Variants in ULK4 observed in about 807,000 individuals in gnomAD.
ULK4 encodes unc-51 like kinase 4.
In ULK4, 133 loss-of-function variants were observed where a neutral mutation model predicts 160.6. The ratio of observed to expected loss-of-function variants is 0.83; its 90% CI spans 0.72 to 0.96. The LOEUF (loss-of-function observed/expected upper bound fraction) is 0.96, where lower values mean the gene tolerates loss of function less well. Among genes scored for constraint, ULK4 ranks in the 40% least tolerant of loss-of-function variants. ULK4 has a pLI of 0.00. For synonymous variants in ULK4, 534 were observed against 539.8 expected (o/e 0.99, Z 0.15); for missense variants, 1,580 against 1,499.5 (o/e 1.05, Z -0.89).
intron 35 of ULK4, among the ~76,000 whole-genome samples, chr3:41,281,325 C>T (rs1014673313): frequency 1.3e-5 from 2 of 152,140 alleles, no homozygotes; most frequent in East Asian, 1.9e-4. Context: ...ATCCTGATAC[C>T]AAAGCCTTGC....
chr3:41,447,854 C>G (rs1385617495), intron 34 of ULK4, among the ~76,000 whole-genome samples: 1 of 152,080 alleles, frequency 6.6e-6, no homozygotes, highest in Non-Finnish European at 1.5e-5. Flanking sequence ...CAGGGCTAAC[C>G]CTGCTAAGAA....
At chr3:41,305,574 G>C (rs10049003) in intron 35 of ULK4, among the ~76,000 whole-genome samples, 23,548 of 151,890 alleles carry the variant, frequency 0.16, 2,178 homozygotes, top group African/African-American at 0.25. Context: ...TCGCTACAAC[G>C]TCCACCTCCC....
chr3:41,834,413 G>T (rs978559861), intron 18 of ULK4, among the ~76,000 whole-genome samples: 9 of 151,914 alleles, frequency 5.9e-5, no homozygotes, highest in African/African-American at 2.2e-4. Context: ...ACTCAAAATC[G>T]TAACGATATT....
chr3:41,293,195 A>G (rs572261079), intron 35 of ULK4, among the ~76,000 whole-genome samples: 1 of 152,314 alleles, frequency 6.6e-6, no homozygotes, highest in South Asian at 2.1e-4. Flanking sequence ...TATCATTTAG[A>G]TAACCAAGCC....
intron 4 of ULK4, among the ~76,000 whole-genome samples, chr3:41,934,914 T>C (rs1699710925): frequency 6.6e-6 from 1 of 152,116 alleles, no homozygotes; most frequent in Non-Finnish European, 1.5e-5. Context: ...TATAGGTTAG[T>C]GCATTAAGTA....
intron 20 of ULK4, among the ~76,000 whole-genome samples, chr3:41,798,767 T>C (rs1575727618): frequency 6.6e-6 from 1 of 151,810 alleles, no homozygotes; most frequent in Non-Finnish European, 1.5e-5. Flanking sequence ...GCAGGGGTGG[T>C]AAATTAAACA....
At chr3:41,497,281 G>T (rs931537649) in intron 32 of ULK4, among the ~76,000 whole-genome samples, 1 of 151,912 alleles carries the variant, frequency 6.6e-6, no homozygotes, top group South Asian at 2.1e-4. Context: ...AGGAAAAAAA[G>T]GTCAGTAAAC....
At chr3:41,607,654 T>C (rs1333021684) in intron 31 of ULK4, among the ~76,000 whole-genome samples, 3 of 152,202 alleles carry the variant, frequency 2.0e-5, no homozygotes, top group African/African-American at 7.2e-5. Context: ...GACAAAGATA[T>C]CCTGTTCATT....
intron 27 of ULK4, among the ~76,000 whole-genome samples, chr3:41,685,104 C>A (rs1224170474): frequency 1.3e-5 from 2 of 152,154 alleles, no homozygotes; most frequent in Non-Finnish European, 2.9e-5. Flanking sequence ...TGACCTTTGC[C>A]ATTTATTATT....
At chr3:41,558,824 A>C (rs1478212786) in intron 32 of ULK4, among the ~76,000 whole-genome samples, 1 of 152,086 alleles carries the variant, frequency 6.6e-6, no homozygotes, top group East Asian at 1.9e-4. Flanking sequence ...TTTTATCCCA[A>C]GTCATATTTC....
At position 41,266,419 on chromosome 3, in the gene ULK4, G is replaced by A. The variant is rs1033976381; in HGVS notation, c.3679-16845C>T. 3.3e-5 allele frequency among the ~76,000 whole-genome samples: 5 copies of A among 152,174 alleles called. 1 individual carries two copies. Among genetic ancestry groups the A allele is most frequent in the Admixed American group, 6.5e-5 (1 of 15,282 alleles). On this transcript the variant is annotated intron_variant, in intron 35 of 36. Coordinates refer to ENST00000301831, the MANE Select transcript of ULK4 (RefSeq NM_017886.4). Reference sequence around the variant, plus strand: ...ACACATTTTTTTGCAGAGCAGAGAAGGATGCATAAAGAGAGGTCTCACAGA... The same window carrying A: ...ACACATTTTTTTGCAGAGCAGAGAAAGATGCATAAAGAGAGGTCTCACAGA...
At chr3:41,804,044 C>T (rs575609449) in intron 19 of ULK4, among the ~76,000 whole-genome samples, 13 of 152,148 alleles carry the variant, frequency 8.5e-5, no homozygotes, top group African/African-American at 2.9e-4. Flanking sequence ...AGTTCTAGAT[C>T]GCTCAGGAAT....
chr3:41,856,603 G>GTGTATATATATACACATATATATATA (rs2042368176), intron 17 of ULK4, among the ~76,000 whole-genome samples: 1 of 66,028 alleles, frequency 1.5e-5, no homozygotes, highest in Non-Finnish European at 2.6e-5. Context: ...ATATATATAT[G>GTGTATATATATACACATATATATATA]TGTATATATA....
intron 19 of ULK4, among the ~76,000 whole-genome samples, chr3:41,816,702 C>T (rs998598598): frequency 6.6e-6 from 1 of 152,048 alleles, no homozygotes; most frequent in African/African-American, 2.4e-5. Context: ...GTCCCAGCTA[C>T]TTGGGAGGCT....
intron 34 of ULK4, among the ~76,000 whole-genome samples, chr3:41,432,261 C>T (rs1383028007): frequency 1.3e-5 from 2 of 152,090 alleles, no homozygotes; most frequent in Admixed American, 6.6e-5. Context: ...TAAAGAAATA[C>T]AAGCATAAAT....
At position 41,854,865 on chromosome 3, in the gene ULK4, C is replaced by T. The variant is rs139572640; in HGVS notation, c.1657-18894G>A. Reference sequence around the variant, plus strand: ...GCCACCACAGTCCAATACTCAAGAACTTACCTAGATCAGGTGCTACCTGGA... The same window carrying T: ...GCCACCACAGTCCAATACTCAAGAATTTACCTAGATCAGGTGCTACCTGGA... On this transcript the variant is annotated intron_variant, in intron 17 of 36. Transcript: ENST00000301831. The T allele has an allele frequency of 1.9e-4, 28 of 149,924 alleles. No individual in the cohort carries two copies. In the East Asian group the frequency reaches 5.7e-3, roughly 30 times the overall value. The allele number at this position is 149,924 out of a possible 1,614,324, so 9.3% of individuals were successfully genotyped here.
intron 2 of ULK4, among the ~76,000 whole-genome samples, chr3:41,949,641 C>T (rs1187507002): frequency 6.6e-6 from 1 of 151,594 alleles, no homozygotes; most frequent in Non-Finnish European, 1.5e-5. Flanking sequence ...CCATGTTGGC[C>T]AGGCTGGTCT....
chr3:41,794,792 A>G (rs1357152573), intron 20 of ULK4, among the ~76,000 whole-genome samples: 2 of 152,000 alleles, frequency 1.3e-5, no homozygotes, highest in African/African-American at 4.8e-5. Flanking sequence ...TTGAGGAGGT[A>G]ACACTTAAGC....
intron 34 of ULK4, among the ~76,000 whole-genome samples, chr3:41,448,017 C>T (rs577695843): frequency 9.5e-4 from 144 of 152,320 alleles, no homozygotes; most frequent in Non-Finnish European, 1.5e-3. Flanking sequence ...GTACTTGAAT[C>T]TATGTCTTAC....
Sources: gnomAD v4.1 joint callset for allele counts (sites outside exome capture counted in the v4.1 genomes callset) on GRCh38, gnomAD v4.1.1 for gene constraint, MANE v1.5 for transcripts, NCBI Gene and HGNC (gene_info 2026-07-23, HGNC 2026-07-21) for gene names.